ATP7B: variants seen among roughly 807,000 people sequenced by gnomAD.
The protein encoded by ATP7B is copper-transporting ATPase 2.
Under a neutral mutation model 118.9 loss-of-function variants are expected in ATP7B, and 113 were observed. The observed-to-expected ratio is 0.95, with a 90% CI of 0.82 to 1.11. The LOEUF (loss-of-function observed/expected upper bound fraction) is 1.11, where lower values mean the gene tolerates loss of function less well. ATP7B is among the 50% of genes most tolerant of loss of function. The pLI is 0.00. For synonymous variants in ATP7B, 777 were observed against 727.4 expected (o/e 1.07, Z -1.10); for missense variants, 1,867 against 1,871.4 (o/e 1.00, Z 0.04).
chr13:51,949,867 T>A, intron 11 of ATP7B, 71 bp from the exon 12 acceptor site: 1 of 1,612,078 alleles, frequency 6.2e-7, no homozygotes, highest in Non-Finnish European at 8.5e-7. Context: ...CAAGCATGGA[T>A]AAAGATTGGG....
chr13:52,007,226 T>C (rs752585436), intron 1 of ATP7B, among the ~76,000 whole-genome samples: 3 of 152,150 alleles, frequency 2.0e-5, no homozygotes, highest in African/African-American at 4.8e-5. Flanking sequence ...ATAAAAGCTA[T>C]ATTCATTAAA....
At chr13:51,992,559 T>C (rs759615844) in intron 1 of ATP7B, among the ~76,000 whole-genome samples, 47 of 152,354 alleles carry the variant, frequency 3.1e-4, no homozygotes, top group Admixed American at 2.5e-3. Context: ...TGAGTCACAA[T>C]TGAAATTAAC....
At chr13:51,980,576 C>G (rs1347709218) in intron 1 of ATP7B, among the ~76,000 whole-genome samples, 1 of 152,178 alleles carries the variant, frequency 6.6e-6, no homozygotes, top group Non-Finnish European at 1.5e-5. Flanking sequence ...ATGAAGAAAT[C>G]AGAAACTGGG....
rs1057516643 is a variant in ATP7B at position 51,949,716 on chromosome 13, CA to C, written c.2810del (p.Val937GlyfsTer5). On this transcript the variant is annotated frameshift_variant, in exon 12 of 21. Coordinates refer to ENST00000242839, the MANE Select transcript of ATP7B (RefSeq NM_000053.4). LOFTEE classifies it high-confidence loss of function. The stretch of plus-strand genomic sequence containing the variant: ...CGATAAAACCGATTACAATCCATAC[CA>C]CCAACGTCAAAGTTGACATGATGAT... Reference protein sequence around the residue: ...FIIIMSTLTLVVWIVIGFIDF... With the variant: ...FIIIMSTLTLXVWIVIGFIDF... 6.2e-7 allele frequency: 1 copy of C among 1,614,084 alleles called. No individual in the cohort carries two copies. Among genetic ancestry groups the C allele is most frequent in the East Asian group, 2.2e-5 (1 of 44,888 alleles).
intron 5 of ATP7B, among the ~76,000 whole-genome samples, chr13:51,963,224 C>A (rs1358635353): frequency 6.6e-6 from 1 of 152,180 alleles, no homozygotes; most frequent in African/African-American, 2.4e-5. Context: ...CACTACTGTT[C>A]TTTAAGATTT....
intron 1 of ATP7B, among the ~76,000 whole-genome samples, chr13:51,985,121 G>A (rs1460346429): frequency 6.6e-6 from 1 of 152,136 alleles, no homozygotes; most frequent in Non-Finnish European, 1.5e-5. Context: ...ACACAGACTG[G>A]CGAATTGGAT....
chr13:51,944,209 A>T lies in ATP7B; in HGVS notation c.3143T>A (p.Val1048Glu), dbSNP rs1423091096. Reference protein sequence around the residue: ...RVMRVLLLGDVATLPLRKVLA... With the variant: ...RVMRVLLLGDEATLPLRKVLA... ...AACCTTCCTGAGGGGCAGTGTGGCC[A>T]CATCCCCCAGCAGGAGCACCCGCAT... is the stretch of plus-strand genomic sequence containing the variant. Residue 1048 changes from valine to glutamate, a missense_variant, in exon 14 of 21, where the codon GTG (valine) becomes GAG (glutamate). Physicochemically the swap from Val to Glu is moderately radical, Grantham distance 121. Transcript: ENST00000242839. 1 of 1,614,162 alleles carries T rather than the reference A, an allele frequency of 6.2e-7. No individual in the cohort carries two copies. Among genetic ancestry groups the T allele is most frequent in the Non-Finnish European group, 8.5e-7 (1 of 1,180,024 alleles).
Position 51,935,025 on chromosome 13 carries a change from T to C in ATP7B, c.4129A>G (p.Lys1377Glu), listed in dbSNP as rs773440614. ...TCATACCTCTCCAGGTCAGGCTTCTTATAGCTGGAAAGCAGGAACGCAACA... is the reference window on the plus strand; with the variant it reads ...TCATACCTCTCCAGGTCAGGCTTCTCATAGCTGGAAAGCAGGAACGCAACA... ...VLSSLQLKCY[K>E]KPDLERYEAQ... Residue 1377 changes from lysine (K) to glutamate (E), a missense_variant, in exon 21 of 21, where the codon AAG (lysine) becomes GAG (glutamate). Lys to Glu is a moderately conservative substitution (Grantham distance 56). Coordinates refer to ENST00000242839, the MANE Select transcript of ATP7B (RefSeq NM_000053.4). The C allele has an allele frequency of 1.9e-6, 3 of 1,613,860 alleles. No individual in the cohort carries two copies. The highest frequency in any genetic ancestry group is 1.1e-5 in the South Asian group (1 of 91,068).
intron 17 of ATP7B, 43 bp from the exon 18 acceptor site, chr13:51,937,722 T>A: frequency 6.2e-7 from 1 of 1,604,468 alleles, no homozygotes; most frequent in Non-Finnish European, 8.5e-7. Flanking sequence ...GCAAAAGGTA[T>A]CAGATAGCAG....
chr13:51,936,562 T>C (rs1956976481), intron 19 of ATP7B, among the ~76,000 whole-genome samples: 1 of 152,188 alleles, frequency 6.6e-6, no homozygotes, highest in Non-Finnish European at 1.5e-5. Context: ...GGTTTCACTC[T>C]TGCCCAGGCT....
At chr13:51,985,980 A>G (rs1429717742) in intron 1 of ATP7B, among the ~76,000 whole-genome samples, 1 of 152,140 alleles carries the variant, frequency 6.6e-6, no homozygotes, top group Admixed American at 6.5e-5. Flanking sequence ...TAAAATCAAC[A>G]CCCTAACACC....
chr13:51,944,247 G>A lies in ATP7B; in HGVS notation c.3105C>T (p.Gly1035=), dbSNP rs200324179. The A allele has an allele frequency of 1.7e-4, 270 of 1,614,082 alleles. 1 individual carries two copies. Among genetic ancestry groups the A allele is most frequent in the South Asian group, 4.3e-4 (39 of 91,082 alleles). ...GGAGCACCCGCATGACCCTGGGGAC[G>A]CCATGGGTAATGGTGCCAGTCTTGT... ...MFDKTGTITH[G]VPRVMRVLLL... is the part of the protein sequence containing the mutation. The change falls in exon 14 of 21, where the codon GGC becomes GGT. Residue 1035 remains glycine (G), a synonymous_variant. Coordinates refer to ENST00000242839, the MANE Select transcript of ATP7B (RefSeq NM_000053.4).
chr13:51,957,455 G>C, intron 9 of ATP7B, 61 bp downstream of exon 9: 1 of 1,515,034 alleles, frequency 6.6e-7, no homozygotes, highest in Non-Finnish European at 9.2e-7. Flanking sequence ...ATGGGCATCT[G>C]ATGCAGCTCA....
At chr13:52,009,282 C>A (rs1311111118) in intron 1 of ATP7B, among the ~76,000 whole-genome samples, 1 of 152,150 alleles carries the variant, frequency 6.6e-6, no homozygotes, top group East Asian at 1.9e-4. Flanking sequence ...CTGTTGAGAA[C>A]CTCCATTGAC....
chr13:51,978,795 T>TAGTAC (rs1206016578), intron 1 of ATP7B: 1 of 152,236 alleles, frequency 6.6e-6, no homozygotes, highest in Non-Finnish European at 1.5e-5. Flanking sequence ...AAACCAACTT[T>TAGTAC]AGTACATTAC....
Position 51,965,059 on chromosome 13 carries a change from C to T in ATP7B, c.1708-26G>A, listed in dbSNP as rs750902906. On this transcript the variant is annotated intron_variant, in intron 4 of 20. Coordinates refer to ENST00000242839, the MANE Select transcript of ATP7B (RefSeq NM_000053.4). ...CTGCAACACAGGATGGCAAGAATCC[C>T]ACAGACCCAGGATCAAGGAAAGCCT... 15 of 1,613,318 alleles carry T rather than the reference C, an allele frequency of 9.3e-6. No individual in the cohort carries two copies. The South Asian group carries it at 1.6e-4, about 18-fold the overall frequency.
At chr13:51,965,070 G>A (rs190275756) in intron 4 of ATP7B, 37 bp from the exon 5 acceptor site, 4 of 1,612,522 alleles carry the variant, frequency 2.5e-6, no homozygotes, top group Non-Finnish European at 3.4e-6. Context: ...ACAGACCCAG[G>A]ATCAAGGAAA....
At chr13:51,960,460 A>G in intron 6 of ATP7B, 138 bp from the exon 7 acceptor site, 1 of 1,058,288 alleles carries the variant, frequency 9.4e-7, no homozygotes, top group African/African-American at 1.6e-5. Flanking sequence ...GTTAAAATGA[A>G]AGTAAGAACT....
At chr13:51,966,200 C>T (rs1951538887) in intron 4 of ATP7B, among the ~76,000 whole-genome samples, 1 of 152,244 alleles carries the variant, frequency 6.6e-6, no homozygotes, top group Non-Finnish European at 1.5e-5. Flanking sequence ...CATTGTGCTA[C>T]TCACACCAAA....
Sources: allele counts gnomAD v4.1 joint callset (sites outside exome capture counted in the v4.1 genomes callset), GRCh38; gene constraint gnomAD v4.1.1; transcripts MANE v1.5; gene names NCBI Gene and HGNC (gene_info 2026-07-23, HGNC 2026-07-21).